The following ACO2 variants were observed in gnomAD, a reference collection of about 807,000 sequenced individuals.
ACO2 encodes aconitase 2, also known as aconitate hydratase, mitochondrial.
In ACO2, 31 loss-of-function variants were observed where a neutral mutation model predicts 84.5. That is an observed-to-expected ratio of 0.37 (90% CI 0.28 to 0.50). The LOEUF is 0.50. ACO2 is among the 20% of genes least tolerant of loss of function. ACO2 has a pLI of 0.97. For missense variants in ACO2, 685 were observed against 1,029.3 expected (o/e 0.67, Z 4.58); for synonymous variants, 414 against 412.7 (o/e 1.00, Z -0.04).
At chr22:41,512,053 C>G in intron 4 of ACO2, 85 bp downstream of exon 4, 1 of 1,066,664 alleles carries the variant, frequency 9.4e-7, no homozygotes, top group Non-Finnish European at 1.3e-6. Flanking sequence ...GTTTGAGGCC[C>G]AGGGGGGCTG....
chr22:41,520,231 G>C lies in ACO2; in HGVS notation c.1093G>C (p.Gly365Arg). 1 of 1,614,020 alleles carries C rather than the reference G, an allele frequency of 6.2e-7. No homozygotes were observed. ...PDLAHPVAEVGKVAEKEGWPL... is the reference protein window; with the variant it reads ...PDLAHPVAEVRKVAEKEGWPL... Reference sequence around the variant, plus strand: ...CCTGGCTCACCCTGTGGCAGAAGTGGGCAAGGTGGCAGAGAAGGAAGGATG... The same window carrying C: ...CCTGGCTCACCCTGTGGCAGAAGTGCGCAAGGTGGCAGAGAAGGAAGGATG... The change falls in exon 9 of 18, where the codon GGC becomes CGC. Residue 365 changes from glycine (G) to arginine (R), a missense_variant. Physicochemically the swap from Gly to Arg is moderately radical, Grantham distance 125. This residue lies in a region of ACO2 where 311 missense variants were observed against 441.6 expected (regional missense o/e 0.70). Transcript: ENST00000216254.
chr22:41,472,643 G>T (rs2037960128), intron 1 of ACO2, among the ~76,000 whole-genome samples: 2 of 152,050 alleles, frequency 1.3e-5, no homozygotes, highest in Admixed American at 1.3e-4. Context: ...AGAAATGGGG[G>T]TCTCGCTATG....
intron 10 of ACO2, 46 bp downstream of exon 10, chr22:41,523,033 G>C (rs1181025852): frequency 2.5e-6 from 4 of 1,607,226 alleles, no homozygotes; most frequent in Non-Finnish European, 3.4e-6. Flanking sequence ...CCCATGCTGA[G>C]TAATGCCTCC....
In ACO2 at chr22:41,528,570, G is replaced by A. The variant is rs202144797; in HGVS notation, c.2300G>A (p.Arg767His). ...AACGAGACGCAGATTGAGTGGTTCC[G>A]CGCTGGCAGTGCCCTCAACAGAATG... ...TFNETQIEWF[R>H]AGSALNRMKE... Residue 767 changes from arginine (R) to histidine (H), a missense_variant, in exon 18 of 18, where the codon CGC (arginine) becomes CAC (histidine). Physicochemically the swap from Arg to His is conservative, Grantham distance 29. Coordinates refer to ENST00000216254, the MANE Select transcript of ACO2 (RefSeq NM_001098.3). 133 of 1,612,818 alleles carry A rather than the reference G, an allele frequency of 8.2e-5. No homozygotes were observed. Among genetic ancestry groups the A allele is most frequent in the South Asian group, 2.7e-4 (25 of 91,038 alleles).
intron 4 of ACO2, among the ~76,000 whole-genome samples, chr22:41,513,296 T>C (rs2066449768): frequency 6.6e-6 from 1 of 151,932 alleles, no homozygotes; most frequent in African/African-American, 2.4e-5. Flanking sequence ...GCAGCTCACA[T>C]CTGCCACCGG....
At chr22:41,526,499 G>A in intron 15 of ACO2, 46 bp downstream of exon 15, 2 of 1,569,376 alleles carry the variant, frequency 1.3e-6, no homozygotes, top group Non-Finnish European at 1.7e-6. Context: ...ACTCCTGAAG[G>A]GGCCTGCAAG....
rs1030205453 is a variant in ACO2 at position 41,507,687 on chromosome 22, C to G, written c.174-104C>G. ...GAGGTCCTGAGTTCAGACTCCCTGT[C>G]CCTGGCCACTGTTGAGGTTGCCACA... On this transcript the variant is annotated intron_variant, in intron 2 of 17. Transcript: ENST00000216254. The G allele has an allele frequency of 4.0e-6, 6 of 1,482,266 alleles. No individual in the cohort carries two copies. The African/African-American group carries it at 8.3e-5, about 21-fold the overall frequency. 91.8% of individuals were successfully genotyped at this position (1,482,266 alleles called of 1,614,324 possible). A position where few individuals can be genotyped will look rare whatever the true frequency, so the allele number is the denominator to read the frequency against.
At chr22:41,495,834 C>T (rs8139104) in intron 1 of ACO2, among the ~76,000 whole-genome samples, 6,389 of 151,368 alleles carry the variant, frequency 0.042, 419 homozygotes, top group African/African-American at 0.15. Flanking sequence ...ATCTCCTGAC[C>T]TCGTGATCCA....
Position 41,523,893 on chromosome 22 carries a change from C to A in ACO2, c.1434C>A (p.Gly478=), listed in dbSNP as rs1171652807. ...CCTCCTACAACAGGAACTTCACGGGCCGCAACGACGCAAACCCCGAGACCC... is the reference window on the plus strand; with the variant it reads ...CCTCCTACAACAGGAACTTCACGGGACGCAACGACGCAAACCCCGAGACCC... ...IVTSYNRNFT[G]RNDANPETHA... is the part of the protein sequence containing the mutation. Residue 478 remains glycine, a synonymous_variant, in exon 12 of 18, where the codon GGC becomes GGA. Coordinates refer to ENST00000216254, the MANE Select transcript of ACO2 (RefSeq NM_001098.3). 3 of 1,612,550 alleles carry A rather than the reference C, an allele frequency of 1.9e-6. No individual in the cohort carries two copies. In the African/African-American group the frequency reaches 4.0e-5, roughly 22 times the overall value.
At chr22:41,506,563 T>C (rs2066395008) in intron 2 of ACO2, among the ~76,000 whole-genome samples, 1 of 152,046 alleles carries the variant, frequency 6.6e-6, no homozygotes, top group African/African-American at 2.4e-5. Context: ...TCATTCTGTT[T>C]TTTATAGAGA....
At chr22:41,519,545 C>T (rs1341453218) in intron 8 of ACO2, among the ~76,000 whole-genome samples, 1 of 152,072 alleles carries the variant, frequency 6.6e-6, no homozygotes, top group Non-Finnish European at 1.5e-5. Flanking sequence ...GTGGCTGACA[C>T]CTGTAATCCC....
intron 7 of ACO2, 72 bp from the exon 8 acceptor site, chr22:41,518,409 G>A (rs1235195207): frequency 7.5e-6 from 9 of 1,196,784 alleles, no homozygotes; most frequent in Non-Finnish European, 1.1e-5. Context: ...AGGTGCTCAG[G>A]TGGGTGGTGA....
intron 4 of ACO2, among the ~76,000 whole-genome samples, chr22:41,513,581 G>T: frequency 6.8e-6 from 1 of 147,818 alleles, no homozygotes; most frequent in East Asian, 2.0e-4. Context: ...GTGGCTTCCA[G>T]TGGATCCTCT....
At chr22:41,480,761 T>G (rs769838782) in intron 1 of ACO2, among the ~76,000 whole-genome samples, 14 of 152,198 alleles carry the variant, frequency 9.2e-5, no homozygotes, top group Non-Finnish European at 2.1e-4. Context: ...ATTCTAGACT[T>G]TTCCTCTGTA....
At position 41,516,188 on chromosome 22, in the gene ACO2, A is replaced by C. The variant is rs550449803; in HGVS notation, c.835+271A>C. ...GCCACACACGGTTAGGAGCCAAGTCAGCTTCTGCTGCTGGGCCCAGGCCAT... is the reference window on the plus strand; with the variant it reads ...GCCACACACGGTTAGGAGCCAAGTCCGCTTCTGCTGCTGGGCCCAGGCCAT... On this transcript the variant is annotated intron_variant, in intron 6 of 17. Transcript: ENST00000216254. 3 of 609,162 alleles carry C rather than the reference A, an allele frequency of 4.9e-6. No homozygotes were observed. In the East Asian group the frequency reaches 8.2e-5, roughly 17 times the overall value. 37.7% of individuals were successfully genotyped at this position (609,162 alleles called of 1,614,324 possible).
rs910830851 is a variant in ACO2 at position 41,517,206 on chromosome 22, G to A, written c.836-321G>A. 1.4e-5 allele frequency: 5 copies of A among 369,660 alleles called. No homozygotes were observed. The Admixed American group carries it at 1.8e-4, about 14-fold the overall frequency. The allele number at this position is 369,660 out of a possible 1,614,324, so 22.9% of individuals were successfully genotyped here. A position where few individuals can be genotyped will look rare whatever the true frequency, so the allele number is the denominator to read the frequency against. On this transcript the variant is annotated intron_variant, in intron 6 of 17. Coordinates refer to ENST00000216254, the MANE Select transcript of ACO2 (RefSeq NM_001098.3). ...GGTCAGCCTACAGTACGTGGTGCCT[G>A]TTCAATCTCTTGGGCGACAGTCAGG...
chr22:41,527,100 C>G (rs545679810), intron 15 of ACO2, 188 bp from the exon 16 acceptor site: 1 of 802,680 alleles, frequency 1.2e-6, no homozygotes, highest in East Asian at 2.7e-5. Flanking sequence ...CTCGGGGCCT[C>G]GTTTGGGTCT....
rs775616803 is a variant in ACO2 at position 41,524,897 on chromosome 22, G to A, written c.1534G>A (p.Asp512Asn). Residue 512 changes from aspartate to asparagine, a missense_variant, in exon 13 of 18, where the codon GAC becomes AAC. Around this residue, in one of 5 missense-constraint regions of ACO2, gnomAD observed 311 missense variants for 441.6 expected, o/e 0.70. Transcript: ENST00000216254. ...AACCCTCAAGTTCAACCCAGAGACC[G>A]ACTACCTGACGGGCACGGATGGCAA... ...AGTLKFNPET[D>N]YLTGTDGKKF... The A allele has an allele frequency of 1.1e-5, 17 of 1,614,084 alleles. No individual in the cohort carries two copies. The highest frequency in any genetic ancestry group is 1.2e-5 in the Non-Finnish European group (14 of 1,180,056).
chr22:41,489,502 G>A (rs536332912), intron 1 of ACO2, among the ~76,000 whole-genome samples: 6 of 152,076 alleles, frequency 3.9e-5, no homozygotes, highest in Admixed American at 6.6e-5. Flanking sequence ...CAGCACCCCC[G>A]CTCCCTGCCC....
Sources: allele counts gnomAD v4.1 joint callset (sites outside exome capture counted in the v4.1 genomes callset), GRCh38; gene constraint gnomAD v4.1.1; regional missense constraint gnomAD v4.1.1; transcripts MANE v1.5; gene names NCBI Gene and HGNC (gene_info 2026-07-23, HGNC 2026-07-21).